MTFR1: variants seen among roughly 807,000 people sequenced by gnomAD.
The protein encoded by MTFR1 is mitochondrial fission regulator 1, also known as chondrocyte protein with a poly-proline region.
In MTFR1, 28 loss-of-function variants were observed where a neutral mutation model predicts 38.8. The observed-to-expected ratio is 0.72, with a 90% CI of 0.53 to 0.99. MTFR1 has a LOEUF of 0.99. Among genes scored for constraint, MTFR1 ranks in the 50% least tolerant of loss-of-function variants. The pLI, the probability that MTFR1 is intolerant of heterozygous loss-of-function variation, is 0.00. For missense variants in MTFR1, 358 were observed against 395.5 expected (o/e 0.91, Z 0.81); for synonymous variants, 145 against 137.0 (o/e 1.06, Z -0.41).
intron 3 of MTFR1, among the ~76,000 whole-genome samples, chr8:65,748,711 C>T (rs1274750055): frequency 6.6e-6 from 1 of 152,148 alleles, no homozygotes; most frequent in Non-Finnish European, 1.5e-5. Flanking sequence ...TCTTGCATAT[C>T]CAGTCACTCA....
intron 3 of MTFR1, among the ~76,000 whole-genome samples, chr8:65,752,530 T>C (rs1808014921): frequency 6.6e-6 from 1 of 152,240 alleles, no homozygotes; most frequent in Non-Finnish European, 1.5e-5. Context: ...AAACCTGTTA[T>C]TTTTGCCCTT....
At chr8:65,708,138 T>TC (rs753330434) in intron 7 of MTFR1, 127 bp downstream of exon 7, 1 of 1,586,874 alleles carries the variant, frequency 6.3e-7, no homozygotes, top group South Asian at 1.1e-5. Flanking sequence ...CAGGATTTGG[T>TC]CCCTGCCTTA....
chr8:65,645,183 C>A (rs998945785), intron 1 of MTFR1, among the ~76,000 whole-genome samples: 7 of 152,344 alleles, frequency 4.6e-5, no homozygotes, highest in Admixed American at 2.6e-4. Flanking sequence ...CGGCGGCTCC[C>A]TTGGGTGCTG....
intron 2 of MTFR1, chr8:65,717,796 A>G (rs1806200332): frequency 6.6e-6 from 1 of 152,244 alleles, no homozygotes; most frequent in Non-Finnish European, 1.5e-5. Context: ...TCCCAAGAAA[A>G]TGGCTGTTGC....
At chr8:65,723,916 T>C (rs1296075140) in intron 3 of MTFR1, among the ~76,000 whole-genome samples, 2 of 152,168 alleles carry the variant, frequency 1.3e-5, no homozygotes. Flanking sequence ...ATCCGGGTTT[T>C]AAATTACACA....
At chr8:65,713,400 C>T (rs1047675440), downstream of MTFR1, among the ~76,000 whole-genome samples, 3 of 149,350 alleles carry the variant, frequency 2.0e-5, no homozygotes, top group Non-Finnish European at 4.4e-5. Context: ...AAGATCACAC[C>T]GCTCCACTCT....
At chr8:65,734,681 T>C in intron 3 of MTFR1, 1 of 663,474 alleles carries the variant, frequency 1.5e-6, no homozygotes, top group Non-Finnish European at 2.7e-6. Context: ...CTCATTCTTG[T>C]GAAGGAAGTC....
rs151099410 is a variant in MTFR1 at position 65,688,027 on chromosome 8, G to A, written c.165+5576G>A. On this transcript the variant is annotated intron_variant, in intron 3 of 7. Coordinates refer to ENST00000262146, the MANE Select transcript of MTFR1 (RefSeq NM_014637.4). ...AGGCAGGAGAATCGCTTGAACCTGGGAGACAGAGGTTGCAGTGAGCTGATA... is the reference window on the plus strand; with the variant it reads ...AGGCAGGAGAATCGCTTGAACCTGGAAGACAGAGGTTGCAGTGAGCTGATA... 6.6e-3 allele frequency among the ~76,000 whole-genome samples: 1,002 copies of A among 150,842 alleles called. 7 individuals are homozygous for A. The highest frequency in any genetic ancestry group is 0.011 in the Non-Finnish European group (731 of 67,854).
intron 4 of MTFR1, among the ~76,000 whole-genome samples, chr8:65,699,461 G>A (rs1485320967): frequency 6.6e-6 from 1 of 152,222 alleles, no homozygotes; most frequent in Non-Finnish European, 1.5e-5. Context: ...CCCACCAGCA[G>A]GGTATAAGTA....
chr8:65,689,091 A>T (rs893426300), intron 3 of MTFR1, among the ~76,000 whole-genome samples: 2 of 152,124 alleles, frequency 1.3e-5, no homozygotes, highest in African/African-American at 4.8e-5. Context: ...GTTACAGTGA[A>T]CTGAGATTGC....
At chr8:65,670,043 A>T in intron 2 of MTFR1, 25 bp downstream of exon 2, 3 of 1,565,488 alleles carry the variant, frequency 1.9e-6, no homozygotes, top group Non-Finnish European at 2.6e-6. Context: ...TTCATTTTTT[A>T]AATCCCGACA....
intron 4 of MTFR1, among the ~76,000 whole-genome samples, chr8:65,698,499 A>G (rs1179832117): frequency 6.6e-6 from 1 of 152,080 alleles, no homozygotes; most frequent in Non-Finnish European, 1.5e-5. Flanking sequence ...CCCTAATTTG[A>G]AAATCCAAAA....
intron 3 of MTFR1, among the ~76,000 whole-genome samples, chr8:65,742,314 G>C (rs955450361): frequency 6.6e-6 from 1 of 152,204 alleles, no homozygotes; most frequent in Non-Finnish European, 1.5e-5. Flanking sequence ...CTGGCAGCTA[G>C]TGTCCTCATG....
Position 65,709,244 on chromosome 8 carries a change from C to A in MTFR1, c.*200C>A. 1.8e-6 allele frequency: 1 copy of A among 552,664 alleles called. No individual in the cohort carries two copies. Among genetic ancestry groups the A allele is most frequent in the Non-Finnish European group, 3.2e-6 (1 of 308,106 alleles). 34.2% of individuals were successfully genotyped at this position (552,664 alleles called of 1,614,324 possible). ...TGAGATGGTCAGCTTTGGTGCTCTC[C>A]ACAACATGTGTGTTCTGACATGTTT... On this transcript the variant is annotated 3_prime_UTR_variant, in exon 8 of 8. Coordinates refer to ENST00000262146, the MANE Select transcript of MTFR1 (RefSeq NM_014637.4).
chr8:65,683,931 C>T (rs180875132), intron 3 of MTFR1, among the ~76,000 whole-genome samples: 8 of 152,280 alleles, frequency 5.3e-5, no homozygotes, highest in African/African-American at 1.9e-4. Flanking sequence ...TCTTATTTGC[C>T]AGTTTCCTTC....
chr8:65,700,419 C>T (rs1017495347), intron 4 of MTFR1, among the ~76,000 whole-genome samples: 6 of 149,838 alleles, frequency 4.0e-5, no homozygotes, highest in African/African-American at 1.5e-4. Context: ...TAGAAGTATT[C>T]TACTTTGAGA....
intron 3 of MTFR1, among the ~76,000 whole-genome samples, chr8:65,735,595 G>A (rs890484283): frequency 1.3e-5 from 2 of 152,054 alleles, no homozygotes; most frequent in Admixed American, 1.3e-4. Flanking sequence ...ACAGGTGTGA[G>A]CCACTATGCC....
chr8:65,646,551 G>A (rs1477235441), intron 1 of MTFR1, among the ~76,000 whole-genome samples: 1 of 152,122 alleles, frequency 6.6e-6, no homozygotes, highest in African/African-American at 2.4e-5. Flanking sequence ...GATGTCCTGA[G>A]AAAACATAGC....
chr8:65,745,519 T>C, intron 3 of MTFR1: 1 of 1,033,028 alleles, frequency 9.7e-7, no homozygotes, highest in Non-Finnish European at 1.5e-6. Context: ...TCAATAACAT[T>C]GTCTTTTGGA....
Sources: allele counts gnomAD v4.1 joint callset (sites outside exome capture counted in the v4.1 genomes callset), GRCh38; gene constraint gnomAD v4.1.1; transcripts MANE v1.5; gene names NCBI Gene and HGNC (gene_info 2026-07-23, HGNC 2026-07-21).